Variants in ZBTB25 observed in about 807,000 individuals in gnomAD.
The protein encoded by ZBTB25 is zinc finger and BTB domain-containing protein 25.
In ZBTB25, 20 loss-of-function variants were observed where a neutral mutation model predicts 34.2. That is an observed-to-expected ratio of 0.58 (90% CI 0.41 to 0.85). The LOEUF (loss-of-function observed/expected upper bound fraction) is 0.85, where lower values mean the gene tolerates loss of function less well. Ranked by LOEUF, ZBTB25 falls within the 40% of genes least tolerant of loss-of-function variation. The probability of loss-of-function intolerance (pLI) is 0.00; values close to 1 mark genes in which losing one functional copy is unlikely to be tolerated. For missense variants in ZBTB25, 437 were observed against 521.8 expected (o/e 0.84, Z 1.58); for synonymous variants, 175 against 186.4 (o/e 0.94, Z 0.50).
chr14:64,499,916 C>G (rs376440204), intron 1 of ZBTB25, among the ~76,000 whole-genome samples: 1 of 152,178 alleles, frequency 6.6e-6, no homozygotes, highest in Non-Finnish European at 1.5e-5. Flanking sequence ...AACTGGGAAA[C>G]GTTAGTTTGG....
intron 2 of ZBTB25, chr14:64,468,368 T>G: frequency 6.4e-7 from 1 of 1,551,926 alleles, no homozygotes; most frequent in Non-Finnish European, 8.7e-7. Flanking sequence ...AATACAGTTT[T>G]CTAGAGAATA....
Position 64,487,360 on chromosome 14 carries a change from C to T in ZBTB25, c.871G>A (p.Ala291Thr), listed in dbSNP as rs757641312. 53 of 1,613,912 alleles carry T rather than the reference C, an allele frequency of 3.3e-5. No homozygotes were observed. The highest frequency in any genetic ancestry group is 4.1e-5 in the Non-Finnish European group (48 of 1,180,010). Residue 291 changes from alanine (A) to threonine (T), a missense_variant, in exon 3 of 3, where the codon GCC (alanine) becomes ACC (threonine). Physicochemically the swap from Ala to Thr is moderately conservative, Grantham distance 58. Transcript: ENST00000608382. The part of the protein sequence containing the change: ...EVHPLNENSE[A>T]LECRRLSSFI... ...GAGCTGAGCCTGCGGCATTCAAGGGCCTCGCTGTTTTCATTAAGGGGATGC... is the reference window on the plus strand; with the variant it reads ...GAGCTGAGCCTGCGGCATTCAAGGGTCTCGCTGTTTTCATTAAGGGGATGC...
rs1471745916 is a variant in ZBTB25 at position 64,486,136 on chromosome 14, A to G, written c.*787T>C. Reference sequence around the variant, plus strand: ...AACACGGTGAAACCCCGTCTCTACTAAAAAAATACAAAAAAATTAGCTGGG... The same window carrying G: ...AACACGGTGAAACCCCGTCTCTACTGAAAAAATACAAAAAAATTAGCTGGG... On this transcript the variant is annotated 3_prime_UTR_variant, in exon 3 of 3. Transcript: ENST00000608382. 3 of 654,316 alleles carry G rather than the reference A, an allele frequency of 4.6e-6. No individual in the cohort carries two copies. Among genetic ancestry groups the G allele is most frequent in the East Asian group, 1.4e-4 (1 of 7,308 alleles). 40.5% of individuals were successfully genotyped at this position (654,316 alleles called of 1,614,324 possible).
rs1407716784 is a variant in ZBTB25 at position 64,483,874 on chromosome 14, G to A, written c.*3049C>T. On this transcript the variant is annotated 3_prime_UTR_variant, in exon 3 of 3. Transcript: ENST00000608382. ...CAGGAGAATCACTTGAATTCGAGAG[G>A]CGGAGGTTGCAGTGAGCTGAGATTG... 3.4e-5 allele frequency: 5 copies of A among 147,696 alleles called. No individual in the cohort carries two copies. Among genetic ancestry groups the A allele is most frequent in the African/African-American group, 1.3e-4 (5 of 39,820 alleles). 9.1% of individuals were successfully genotyped at this position (147,696 alleles called of 1,614,324 possible). A position where few individuals can be genotyped will look rare whatever the true frequency, so the allele number is the denominator to read the frequency against.
chr14:64,487,214 A>G lies in ZBTB25; in HGVS notation c.1017T>C (p.Cys339=). ...SKDTEPVELN[C]NFSFSRKRKM... is the part of the protein sequence containing the mutation. ...TTCTTTTCCTTGAAAAAGAAAAATT[A>G]CAGTTTAATTCTACTGGCTCTGTGT... is the stretch of plus-strand genomic sequence containing the variant. Residue 339 remains cysteine, a synonymous_variant, in exon 3 of 3, where the codon TGT becomes TGC. Transcript: ENST00000608382. 1.9e-6 allele frequency: 3 copies of G among 1,614,078 alleles called. No individual in the cohort carries two copies. Among genetic ancestry groups the G allele is most frequent in the Non-Finnish European group, 2.5e-6 (3 of 1,179,930 alleles).
intron 1 of ZBTB25, 143 bp from the exon 2 acceptor site, chr14:64,490,683 A>T: frequency 1.3e-6 from 1 of 786,388 alleles, no homozygotes; most frequent in Non-Finnish European, 1.9e-6. Context: ...TCAAGTTTTC[A>T]ATCCTATTAC....
In ZBTB25 at chr14:64,485,854, G is replaced by GA. The variant is rs975413643; in HGVS notation, c.*1068dup. On this transcript the variant is annotated 3_prime_UTR_variant, in exon 3 of 3. Transcript: ENST00000608382. ...TCAAATTACTTTTTAAGGTGTCTAA[G>GA]AAAACACTCTAGACCAAGTTAACAA... The GA allele has an allele frequency of 1.0e-6, 1 of 985,244 alleles. No individual in the cohort carries two copies. Among genetic ancestry groups the GA allele is most frequent in the African/African-American group, 1.7e-5 (1 of 57,230 alleles). 61.0% of individuals were successfully genotyped at this position (985,244 alleles called of 1,614,324 possible). A position where few individuals can be genotyped will look rare whatever the true frequency, so the allele number is the denominator to read the frequency against.
intron 2 of ZBTB25, chr14:64,458,100 A>C (rs2078504313): frequency 1.2e-6 from 1 of 825,582 alleles, no homozygotes; most frequent in South Asian, 1.3e-5. Context: ...TATGTTGCCC[A>C]GGGTGGTTTA....
intron 1 of ZBTB25, among the ~76,000 whole-genome samples, chr14:64,500,978 G>A (rs994676445): frequency 1.3e-5 from 2 of 152,236 alleles, no homozygotes; most frequent in African/African-American, 4.8e-5. Flanking sequence ...TTGAATGCAG[G>A]AGGCGGAGGC....
rs1019540773 is a variant in ZBTB25 at position 64,449,724 on chromosome 14, G to C, written c.174-86C>G. 5 of 1,408,364 alleles carry C rather than the reference G, an allele frequency of 3.6e-6. No homozygotes were observed. The African/African-American group carries it at 4.2e-5, about 12-fold the overall frequency. The allele number at this position is 1,408,364 out of a possible 1,614,324, so 87.2% of individuals were successfully genotyped here. A position where few individuals can be genotyped will look rare whatever the true frequency, so the allele number is the denominator to read the frequency against. ...TAGAGCCCCATGCTTCGCAGCTTCA[G>C]CCTTGCGGTTTGATTCCCACGTAGG... On this transcript the variant is annotated intron_variant, in intron 2 of 2. Coordinates refer to the ZBTB25 transcript ENST00000555220.
At chr14:64,492,612 A>AG (rs955579307) in intron 1 of ZBTB25, among the ~76,000 whole-genome samples, 2 of 151,904 alleles carry the variant, frequency 1.3e-5, no homozygotes, top group Admixed American at 1.3e-4. Flanking sequence ...AAAAAAAAAA[A>AG]ACAAAACCAA....
exon 3 of ZBTB25, chr14:64,449,457 G>A (rs918705986): frequency 6.2e-7 from 1 of 1,613,428 alleles, no homozygotes; most frequent in Non-Finnish European, 8.5e-7. Context: ...CGGATACAGA[G>A]TCTGAGCTGG....
downstream of ZBTB25, among the ~76,000 whole-genome samples, chr14:64,477,877 T>TAAC (rs2078734051): frequency 6.6e-6 from 1 of 152,210 alleles, no homozygotes; most frequent in African/African-American, 2.4e-5. Flanking sequence ...AACTTGTTAA[T>TAAC]AACACAGACC....
rs1178997881 is a variant in ZBTB25 at position 64,479,725 on chromosome 14, G to A, written c.*7198C>T. On this transcript the variant is annotated 3_prime_UTR_variant, in exon 3 of 3. Coordinates refer to ENST00000608382, the MANE Select transcript of ZBTB25 (RefSeq NM_006977.5). ...AACATCAGCTCTTCTTGAGTTTCAA[G>A]CCTGCCAGCTTTTGGACTGGAACTT... 1 of 152,162 alleles carries A rather than the reference G, an allele frequency of 6.6e-6. No homozygotes were observed. Among genetic ancestry groups the A allele is most frequent in the Non-Finnish European group, 1.5e-5 (1 of 68,066 alleles). 9.4% of individuals were successfully genotyped at this position (152,162 alleles called of 1,614,324 possible). A position where few individuals can be genotyped will look rare whatever the true frequency, so the allele number is the denominator to read the frequency against.
intron 2 of ZBTB25, chr14:64,454,894 G>C (rs903176404): frequency 6.2e-7 from 1 of 1,613,500 alleles, no homozygotes; most frequent in Non-Finnish European, 8.5e-7. Flanking sequence ...ATGCTGCAAG[G>C]GAGTAGTGGG....
chr14:64,453,947 G>A (rs1256146), intron 2 of ZBTB25: 143,406 of 821,954 alleles, frequency 0.17, 13,510 homozygotes, highest in Middle Eastern at 0.26. Context: ...GCCCTGCCAA[G>A]TACCCGTTGC....
intron 1 of ZBTB25, among the ~76,000 whole-genome samples, chr14:64,493,943 G>A (rs951001934): frequency 8.5e-5 from 13 of 152,110 alleles, no homozygotes; most frequent in Non-Finnish European, 1.6e-4. Flanking sequence ...TTAGTGATCA[G>A]CGGGGACAAG....
chr14:64,452,550 C>CTAA (rs1183156929), intron 2 of ZBTB25, among the ~76,000 whole-genome samples: 2 of 152,206 alleles, frequency 1.3e-5, no homozygotes, highest in African/African-American at 4.8e-5. Flanking sequence ...GGACTGAGGC[C>CTAA]CTCACCAGTT....
At chr14:64,498,418 T>C (rs2079357636) in intron 1 of ZBTB25, among the ~76,000 whole-genome samples, 1 of 151,678 alleles carries the variant, frequency 6.6e-6, no homozygotes, top group Non-Finnish European at 1.5e-5. Flanking sequence ...GTTCAAGTGC[T>C]TCTCCCGGAC....
Sources: gnomAD v4.1 joint callset for allele counts (sites outside exome capture counted in the v4.1 genomes callset) on GRCh38, gnomAD v4.1.1 for gene constraint, MANE v1.5 for transcripts, NCBI Gene and HGNC (gene_info 2026-07-23, HGNC 2026-07-21) for gene names.